Variants in SNTB1 observed in about 807,000 individuals in gnomAD.
SNTB1 encodes syntrophin beta 1.
SNTB1 carries 36 observed loss-of-function variants against 48.9 expected under a neutral mutation model. That is an observed-to-expected ratio of 0.74 (90% CI 0.56 to 0.97). The LOEUF (loss-of-function observed/expected upper bound fraction) is 0.97, where lower values mean the gene tolerates loss of function less well. Ranked by LOEUF, SNTB1 falls within the 50% of genes least tolerant of loss-of-function variation. The probability of loss-of-function intolerance (pLI) is 0.00; values close to 1 mark genes in which losing one functional copy is unlikely to be tolerated. For synonymous variants in SNTB1, 299 were observed against 294.6 expected, an observed-to-expected ratio of 1.01 and a Z score of -0.15; for missense variants, 786 against 703.4, an observed-to-expected ratio of 1.12 and a Z score of -1.33.
intron 2 of SNTB1, among the ~76,000 whole-genome samples, chr8:120,651,691 G>C (rs1817413523): frequency 6.6e-6 from 1 of 152,060 alleles, no homozygotes; most frequent in East Asian, 1.9e-4. Flanking sequence ...TATGGAAGGA[G>C]GTAAAATGAG....
chr8:120,585,006 G>A (rs1342235440), intron 3 of SNTB1, among the ~76,000 whole-genome samples: 1 of 152,088 alleles, frequency 6.6e-6, no homozygotes, highest in Non-Finnish European at 1.5e-5. Flanking sequence ...CAATCCAGCT[G>A]ACACCTTAAT....
chr8:120,655,349 T>A (rs929917933), intron 2 of SNTB1, among the ~76,000 whole-genome samples: 2 of 152,190 alleles, frequency 1.3e-5, no homozygotes, highest in African/African-American at 4.8e-5. Flanking sequence ...GTAAAAAGAT[T>A]GGTAGTAATC....
chr8:120,546,528 T>C (rs181902328), intron 5 of SNTB1, among the ~76,000 whole-genome samples: 93 of 152,306 alleles, frequency 6.1e-4, no homozygotes, highest in Middle Eastern at 3.4e-3. Flanking sequence ...CAGTCTGGAG[T>C]GCAGTGGCAT....
chr8:120,808,146 C>T (rs1820365980), intron 1 of SNTB1, among the ~76,000 whole-genome samples: 1 of 152,136 alleles, frequency 6.6e-6, no homozygotes, highest in Non-Finnish European at 1.5e-5. Context: ...AACTCCTGAC[C>T]TTGTGATCTG....
chr8:120,634,747 C>T (rs112849174), intron 2 of SNTB1, among the ~76,000 whole-genome samples: 2 of 152,078 alleles, frequency 1.3e-5, no homozygotes, highest in African/African-American at 4.8e-5. Context: ...TGAAACCAAA[C>T]TTTTACAGTG....
At chr8:120,640,817 A>C (rs1056637506) in intron 2 of SNTB1, among the ~76,000 whole-genome samples, 5 of 152,170 alleles carry the variant, frequency 3.3e-5, no homozygotes, top group Non-Finnish European at 7.3e-5. Flanking sequence ...ATTGTTCATC[A>C]GGGATATTGG....
At chr8:120,742,930 T>C (rs1819065384) in intron 1 of SNTB1, among the ~76,000 whole-genome samples, 1 of 152,120 alleles carries the variant, frequency 6.6e-6, no homozygotes, top group South Asian at 2.1e-4. Context: ...GGGACCAGCA[T>C]AAAGCCAGAT....
At chr8:120,558,554 G>A (rs1023338749) in intron 4 of SNTB1, among the ~76,000 whole-genome samples, 1 of 152,190 alleles carries the variant, frequency 6.6e-6, no homozygotes, top group African/African-American at 2.4e-5. Flanking sequence ...AGCCAGGGGT[G>A]TGAATAAGTG....
intron 2 of SNTB1, among the ~76,000 whole-genome samples, chr8:120,647,450 T>C (rs2129698248): frequency 6.7e-6 from 1 of 149,296 alleles, no homozygotes; most frequent in South Asian, 2.1e-4. Flanking sequence ...GAGCAGGTTG[T>C]TCAGTTTCCA....
intron 3 of SNTB1, among the ~76,000 whole-genome samples, chr8:120,582,895 G>C (rs1816072933): frequency 1.3e-5 from 2 of 152,048 alleles, no homozygotes; most frequent in Admixed American, 6.6e-5. Context: ...CCTGTTCATA[G>C]CATGTTCTGC....
At position 120,614,282 on chromosome 8, in the gene SNTB1, G is replaced by A. The variant is rs536658274; in HGVS notation, c.996+18162C>T. 1.7e-3 allele frequency among the ~76,000 whole-genome samples: 262 copies of A among 152,308 alleles called. 1 individual carries two copies. The highest frequency in any genetic ancestry group is 2.9e-3 in the Non-Finnish European group (200 of 68,020). ...CAAAGTAAAACAGCTATCCTTAGTAGCCTGGTGGAGTGTATAATCAATTTT... is the reference window on the plus strand; with the variant it reads ...CAAAGTAAAACAGCTATCCTTAGTAACCTGGTGGAGTGTATAATCAATTTT... On this transcript the variant is annotated intron_variant, in intron 3 of 6. Transcript: ENST00000517992.
intron 3 of SNTB1, among the ~76,000 whole-genome samples, chr8:120,616,705 T>C (rs760018898): frequency 3.7e-4 from 56 of 152,180 alleles, no homozygotes; most frequent in Non-Finnish European, 8.8e-5. Context: ...AGCACTTCCA[T>C]TTGCATAAAG....
At chr8:120,808,060 A>G (rs1261714404) in intron 1 of SNTB1, among the ~76,000 whole-genome samples, 1 of 151,992 alleles carries the variant, frequency 6.6e-6, no homozygotes, top group African/African-American at 2.4e-5. Context: ...GGTTACAGGC[A>G]TGGGGCACGA....
chr8:120,635,135 A>G (rs1454519090), intron 2 of SNTB1, among the ~76,000 whole-genome samples: 1 of 152,204 alleles, frequency 6.6e-6, no homozygotes, highest in East Asian at 1.9e-4. Context: ...ATGTGATGGA[A>G]CAGGGAATTC....
At chr8:120,736,219 T>A (rs1818942009) in intron 1 of SNTB1, among the ~76,000 whole-genome samples, 1 of 152,088 alleles carries the variant, frequency 6.6e-6, no homozygotes, top group African/African-American at 2.4e-5. Context: ...TACCCCTACC[T>A]TGCCTCTCCC....
chr8:120,545,169 C>T (rs900658798), intron 5 of SNTB1, among the ~76,000 whole-genome samples: 2 of 152,028 alleles, frequency 1.3e-5, no homozygotes, highest in African/African-American at 2.4e-5. Context: ...CACGGTGAAA[C>T]CCCATCTCTA....
At chr8:120,720,765 G>A (rs1818645965) in intron 1 of SNTB1, among the ~76,000 whole-genome samples, 1 of 152,184 alleles carries the variant, frequency 6.6e-6, no homozygotes, top group East Asian at 1.9e-4. Context: ...AAATGATGCT[G>A]CCTAATCGTA....
chr8:120,768,224 A>T (rs949478674), intron 1 of SNTB1, among the ~76,000 whole-genome samples: 13 of 152,172 alleles, frequency 8.5e-5, no homozygotes, highest in Non-Finnish European at 1.6e-4. Context: ...GCAGTCTCCT[A>T]TGGAATGCAT....
chr8:120,629,219 C>A (rs571831150), intron 3 of SNTB1, among the ~76,000 whole-genome samples: 8 of 152,256 alleles, frequency 5.3e-5, no homozygotes, highest in African/African-American at 1.9e-4. Flanking sequence ...CTTCAAGTCT[C>A]CTGACTATCT....
Sources: gnomAD v4.1 joint callset for allele counts (sites outside exome capture counted in the v4.1 genomes callset) on GRCh38, gnomAD v4.1.1 for gene constraint, MANE v1.5 for transcripts, NCBI Gene and HGNC (gene_info 2026-07-23, HGNC 2026-07-21) for gene names.